The following SLC12A2 variants were observed in gnomAD, a reference collection of about 807,000 sequenced individuals.
SLC12A2 encodes Na-K-2Cl cotransporter 1.
SLC12A2 carries 67 observed loss-of-function variants against 136.3 expected under a neutral mutation model. The ratio of observed to expected loss-of-function variants is 0.49; its 90% CI spans 0.40 to 0.60. SLC12A2 has a LOEUF of 0.60. Ranked by LOEUF, SLC12A2 falls within the 20% of genes least tolerant of loss-of-function variation. SLC12A2 has a pLI of 0.00. For missense variants in SLC12A2, 1,322 were observed against 1,534.7 expected, an observed-to-expected ratio of 0.86 and a Z score of 2.32; for synonymous variants, 619 against 562.9, an observed-to-expected ratio of 1.10 and a Z score of -1.41.
chr5:128,148,952 TAAC>T (rs1360361141), intron 12 of SLC12A2, 75 bp downstream of exon 12: 19 of 1,236,632 alleles, frequency 1.5e-5, no homozygotes, highest in Non-Finnish European at 2.1e-5. Context: ...ATTAAATTAT[TAAC>T]AATGTTATCT....
At chr5:128,162,870 A>C (rs1346709088) in intron 17 of SLC12A2, among the ~76,000 whole-genome samples, 1 of 152,214 alleles carries the variant, frequency 6.6e-6, no homozygotes, top group African/African-American at 2.4e-5. Context: ...TGGACTACAT[A>C]TGGCCCAGGA....
At position 128,126,971 on chromosome 5, in the gene SLC12A2, T is replaced by TATATATATATAA. The variant is rs1347112296; in HGVS notation, c.1049-4096_1049-4095insATATATATATAA. Reference sequence around the variant, plus strand: ...ATATATATATATATATATATATTTTTTTTTTTTTTTTTTTTTGCATCTAAA... The same window carrying TATATATATATAA: ...ATATATATATATATATATATATTTTTATATATATATAATTTTTTTTTTTTTTTTGCATCTAAA... On this transcript the variant is annotated intron_variant, in intron 4 of 26. Transcript: ENST00000262461. 6.1e-4 allele frequency among the ~76,000 whole-genome samples: 75 copies of TATATATATATAA among 122,986 alleles called. 3 individuals carry two copies. The highest frequency in any genetic ancestry group is 2.6e-3 in the African/African-American group (69 of 26,046). 80.7% of individuals were successfully genotyped at this position (122,986 alleles called of 152,430 possible).
At chr5:128,161,888 A>T (rs1412551334) in intron 17 of SLC12A2, 88 bp downstream of exon 17, 1 of 940,868 alleles carries the variant, frequency 1.1e-6, no homozygotes, top group Admixed American at 3.7e-5. Context: ...CATTCTTCAT[A>T]CTAATAAAAA....
intron 11 of SLC12A2, 96 bp downstream of exon 11, chr5:128,147,825 T>C (rs1003603846): frequency 1.4e-6 from 1 of 706,096 alleles, no homozygotes; most frequent in Non-Finnish European, 2.5e-6. Context: ...TTTGCTTCTA[T>C]CAACCATATA....
chr5:128,104,656 T>TATATAGATATATAGATATATAGATATAG (rs1561658928), intron 1 of SLC12A2, among the ~76,000 whole-genome samples: 1 of 128,430 alleles, frequency 7.8e-6, no homozygotes, highest in African/African-American at 3.5e-5. Flanking sequence ...AAAATATATA[T>TATATAGATATATAGATATATAGATATAG]ATATAGATAT....
chr5:128,141,139 G>T (rs1762352932), intron 9 of SLC12A2, among the ~76,000 whole-genome samples: 1 of 152,092 alleles, frequency 6.6e-6, no homozygotes. Context: ...TATTATGGAA[G>T]TTTTCAATTT....
chr5:128,138,780 T>C, intron 8 of SLC12A2, 44 bp from the exon 9 acceptor site: 1 of 1,599,664 alleles, frequency 6.3e-7, no homozygotes, highest in Non-Finnish European at 8.5e-7. Flanking sequence ...AATTTGTATA[T>C]TTATTTTTAC....
rs1159589862 is a variant in SLC12A2, at chr5:128,188,947, T to G, written c.*2316T>G. 6.6e-6 allele frequency: 1 copy of G among 151,764 alleles called. No individual in the cohort carries two copies. Among genetic ancestry groups the G allele is most frequent in the Non-Finnish European group, 1.5e-5 (1 of 67,910 alleles). The allele number at this position is 151,764 out of a possible 1,614,324, so 9.4% of individuals were successfully genotyped here. On this transcript the variant is annotated 3_prime_UTR_variant, in exon 27 of 27. Coordinates refer to ENST00000262461, the MANE Select transcript of SLC12A2 (RefSeq NM_001046.3). ...TTTTTTTTTTTTTTTTTTAAGTTTT[T>G]CCCATTCAGGAAAACAACATTGTGA...
intron 26 of SLC12A2, 144 bp from the exon 27 acceptor site, chr5:128,186,352 T>A: frequency 1.2e-6 from 1 of 828,336 alleles, no homozygotes; most frequent in Non-Finnish European, 1.8e-6. Context: ...ATTTGCAGAA[T>A]TCTCCTGCAC....
chr5:128,128,217 A>G (rs1340405917), intron 4 of SLC12A2, among the ~76,000 whole-genome samples: 3 of 152,170 alleles, frequency 2.0e-5, no homozygotes. Flanking sequence ...GACTGAAACC[A>G]GTTTTTAATG....
intron 4 of SLC12A2, among the ~76,000 whole-genome samples, chr5:128,129,592 G>T (rs1356999916): frequency 6.6e-6 from 1 of 151,912 alleles, no homozygotes; most frequent in Non-Finnish European, 1.5e-5. Flanking sequence ...CCTGTTACAG[G>T]TGTTTTCCAA....
rs758515110 is a variant in SLC12A2 at position 128,152,782 on chromosome 5, G to A, written c.2340G>A (p.Val780=). 2 of 1,612,570 alleles carry A rather than the reference G, an allele frequency of 1.2e-6. No homozygotes were observed. Among genetic ancestry groups the A allele is most frequent in the Non-Finnish European group, 1.7e-6 (2 of 1,178,660 alleles). The change falls in exon 15 of 27, where the codon GTG becomes GTA. Residue 780 remains valine, a synonymous_variant. Transcript: ENST00000262461. ...AGCATTCAATTCGTCTTTCTGGAGT[G>A]GAAGACCACGTGAAAAACTTTAGGT... ...ALQHSIRLSG[V]EDHVKNFRPQ...
intron 4 of SLC12A2, among the ~76,000 whole-genome samples, chr5:128,126,959 TATA>T (rs1561673519): frequency 5.1e-5 from 2 of 38,868 alleles, no homozygotes; most frequent in Non-Finnish European, 9.5e-5. Flanking sequence ...TATATATATA[TATA>T]TATATTTTTT....
intron 10 of SLC12A2, among the ~76,000 whole-genome samples, chr5:128,144,430 G>A (rs1277778991): frequency 6.6e-6 from 1 of 152,130 alleles, no homozygotes; most frequent in Non-Finnish European, 1.5e-5. Flanking sequence ...ATCTATACAA[G>A]CCATACTTTA....
At chr5:128,088,679 T>A (rs1211692327) in intron 1 of SLC12A2, among the ~76,000 whole-genome samples, 2 of 152,216 alleles carry the variant, frequency 1.3e-5, no homozygotes, top group African/African-American at 4.8e-5. Flanking sequence ...GGGCCAAGGC[T>A]TAGGAGCCTT....
At chr5:128,160,565 A>G (rs1216801110) in intron 16 of SLC12A2, among the ~76,000 whole-genome samples, 1 of 152,198 alleles carries the variant, frequency 6.6e-6, no homozygotes, top group Non-Finnish European at 1.5e-5. Context: ...TTAGTTGCCA[A>G]TTCTTTTTTG....
intron 1 of SLC12A2, among the ~76,000 whole-genome samples, chr5:128,087,587 T>C (rs922768024): frequency 6.6e-6 from 1 of 152,168 alleles, no homozygotes; most frequent in Admixed American, 6.5e-5. Context: ...GAAAGAGTGG[T>C]ATATTAACAT....
Position 128,188,700 on chromosome 5 carries a change from T to G in SLC12A2, c.*2069T>G, listed in dbSNP as rs552912899. The stretch of plus-strand genomic sequence containing the variant: ...GGTATAGAGATCTGATAACTTGAAT[T>G]CAGAATATTAAGAAAATGAAGTAAC... On this transcript the variant is annotated 3_prime_UTR_variant, in exon 27 of 27. Transcript: ENST00000262461. 3.6e-4 allele frequency: 54 copies of G among 150,228 alleles called. No homozygotes were observed. The highest frequency in any genetic ancestry group is 1.3e-3 in the African/African-American group (53 of 40,540). 9.3% of individuals were successfully genotyped at this position (150,228 alleles called of 1,614,324 possible). A position where few individuals can be genotyped will look rare whatever the true frequency, so the allele number is the denominator to read the frequency against.
intron 1 of SLC12A2, among the ~76,000 whole-genome samples, chr5:128,105,131 A>G (rs1306955156): frequency 6.6e-6 from 1 of 152,234 alleles, no homozygotes; most frequent in Non-Finnish European, 1.5e-5. Context: ...TTTATAGTAT[A>G]TTGACAAGTT....
Sources: gnomAD v4.1 joint callset for allele counts (sites outside exome capture counted in the v4.1 genomes callset) on GRCh38, gnomAD v4.1.1 for gene constraint, MANE v1.5 for transcripts, NCBI Gene and HGNC (gene_info 2026-07-23, HGNC 2026-07-21) for gene names.